The following MCTS1 variants were observed in gnomAD, a reference collection of about 807,000 sequenced individuals.
The protein encoded by MCTS1 is malignant T-cell-amplified sequence 1.
For missense variants in MCTS1, 55 were observed against 128.6 expected (o/e 0.43, Z 2.77); for synonymous variants, 26 against 40.8 (o/e 0.64, Z 1.38).
chrX:120,606,552 G>A (rs768182024), intron 3 of MCTS1, among the ~76,000 whole-genome samples: 1 of 112,334 alleles, frequency 8.9e-6, no homozygotes, highest in South Asian at 3.6e-4. Context: ...GGGAGGCCAA[G>A]GCGGGTGGAT....
intron 3 of MCTS1, among the ~76,000 whole-genome samples, chrX:120,607,065 G>A (rs1015138951): frequency 3.8e-5 from 4 of 105,132 alleles, no homozygotes; most frequent in Admixed American, 1.0e-4. Context: ...GTGTCCTTCC[G>A]TCCAGGTATT....
chrX:120,605,420 GA>G lies in MCTS1; in HGVS notation c.29del (p.Asn10MetfsTer8). ...ATTACTTGGCAGATTTGATGAAAAA[GA>G]AAATGTGTCCAACTGCATCCAGTTG... MFKKFDEK[E>X]NVSNCIQLKT... On this transcript the variant is annotated frameshift_variant, in exon 2 of 6. Transcript: ENST00000371317. LOFTEE classifies it high-confidence loss of function. 1 of 1,165,656 alleles carries G rather than the reference GA, an allele frequency of 8.6e-7. No homozygotes were observed. The highest frequency in any genetic ancestry group is 1.1e-6 in the Non-Finnish European group (1 of 879,338).
chrX:120,604,984 A>G (rs1460571088), intron 1 of MCTS1: 5 of 779,256 alleles, frequency 6.4e-6, no homozygotes, highest in East Asian at 4.1e-5. Context: ...CCGATTTTCT[A>G]TGTTATGCTT....
chrX:120,620,799 G>A lies in MCTS1; in HGVS notation c.*8535G>A, dbSNP rs1442909366. On this transcript the variant is annotated 3_prime_UTR_variant, in exon 6 of 6. Coordinates refer to ENST00000371317, the MANE Select transcript of MCTS1 (RefSeq NM_014060.3). ...TTAAAGTCATGCAAGGAGATGGCCT[G>A]GGGCTTGCTAAAAGTCAGGTTGCAG... 8.9e-6 allele frequency: 1 copy of A among 112,015 alleles called. No individual in the cohort carries two copies. Among genetic ancestry groups the A allele is most frequent in the Non-Finnish European group, 1.9e-5 (1 of 53,249 alleles). 9.2% of individuals were successfully genotyped at this position (112,015 alleles called of 1,213,427 possible). A position where few individuals can be genotyped will look rare whatever the true frequency, so the allele number is the denominator to read the frequency against.
rs1276294011 is a variant in MCTS1, at chrX:120,604,149, CGT to C, written c.-84_-83del. The C allele has an allele frequency of 2.7e-6, 3 of 1,097,049 alleles. No individual in the cohort carries two copies. The highest frequency in any genetic ancestry group is 3.8e-6 in the Non-Finnish European group (3 of 799,297). 90.4% of individuals were successfully genotyped at this position (1,097,049 alleles called of 1,213,427 possible). ...TCCGACTGTCAGTGCCGGCCTTCCT[CGT>C]GTGAGGGGATCTGCCGGACCCCTGC... On this transcript the variant is annotated 5_prime_UTR_variant, in exon 1 of 6. Transcript: ENST00000371317.
Position 120,612,230 on chromosome X carries a change from A to G in MCTS1, c.512A>G (p.Asn171Ser). The G allele has an allele frequency of 8.3e-7, 1 of 1,207,500 alleles. No individual in the cohort carries two copies. Residue 171 changes from asparagine to serine, a missense_variant, in exon 6 of 6, where the codon AAT becomes AGT. By Grantham distance (46) the Asn-to-Ser change is conservative (BLOSUM62 1). Transcript: ENST00000371317. The stretch of plus-strand genomic sequence containing the variant: ...GGCATTGAAAATATCCATTATTTAA[A>G]TGATGGGCTGTGGCATATGAAGACA... ...GIGIENIHYLNDGLWHMKTYK is the reference protein window; with the variant it reads ...GIGIENIHYLSDGLWHMKTYK
At chrX:120,606,716 G>A (rs756217689) in intron 3 of MCTS1, among the ~76,000 whole-genome samples, 3 of 106,917 alleles carry the variant, frequency 2.8e-5, no homozygotes, top group Admixed American at 1.0e-4. Context: ...CCCGCGAGGC[G>A]GAGGTTGCAG....
intron 4 of MCTS1, among the ~76,000 whole-genome samples, chrX:120,610,208 TCTA>T (rs938794255): frequency 1.9e-5 from 2 of 106,571 alleles, no homozygotes; most frequent in African/African-American, 6.9e-5. Flanking sequence ...TGTAATCCCA[TCTA>T]CTAGGGAGGT....
Position 120,615,221 on chromosome X carries a change from G to A in MCTS1, c.*2957G>A, listed in dbSNP as rs1327762013. Among the ~76,000 whole-genome samples the A allele has an allele frequency of 8.9e-6, 1 of 112,448 alleles. No individual in the cohort carries two copies. The highest frequency in any genetic ancestry group is 3.2e-5 in the African/African-American group (1 of 30,953). On this transcript the variant is annotated 3_prime_UTR_variant, in exon 6 of 6. Transcript: ENST00000371317. ...AAACTTAGTTTACCTATATTCGTGA[G>A]AATAGGAATACAGGGATAGAGAGCC...
At chrX:120,606,532 C>T (rs778250148) in intron 3 of MCTS1, among the ~76,000 whole-genome samples, 83 of 112,305 alleles carry the variant, frequency 7.4e-4, no homozygotes, top group Non-Finnish European at 1.4e-3. Context: ...GCCTGTAATC[C>T]CAGCACTTTG....
At chrX:120,605,330 T>G (rs180982834) in intron 1 of MCTS1, 77 bp from the exon 2 acceptor site, 1 of 913,079 alleles carries the variant, frequency 1.1e-6, no homozygotes, top group Admixed American at 3.6e-5. Context: ...AAATGACTAA[T>G]TAGAACAGTA....
At position 120,618,637 on chromosome X, in the gene MCTS1, T is replaced by TA. The variant is rs1467544396; in HGVS notation, c.*6375dup. Among the ~76,000 whole-genome samples the TA allele has an allele frequency of 4.4e-5, 5 of 112,421 alleles. No homozygotes were observed. The highest frequency in any genetic ancestry group is 9.4e-5 in the Non-Finnish European group (5 of 53,319). On this transcript the variant is annotated 3_prime_UTR_variant, in exon 6 of 6. Coordinates refer to ENST00000371317, the MANE Select transcript of MCTS1 (RefSeq NM_014060.3). ...AATAGCAATCTCTAACCCATCAAAT[T>TA]AATATCTACTAAATAGCTTCCAAAA...
At position 120,618,704 on chromosome X, in the gene MCTS1, C is replaced by T. The variant is rs1926927281; in HGVS notation, c.*6440C>T. On this transcript the variant is annotated 3_prime_UTR_variant, in exon 6 of 6. Coordinates refer to ENST00000371317, the MANE Select transcript of MCTS1 (RefSeq NM_014060.3). Reference sequence around the variant, plus strand: ...TATTTTTCACTATCATGGCTTTATTCAGTTTCAAAAACAGTAGGGGCTAAA... The same window carrying T: ...TATTTTTCACTATCATGGCTTTATTTAGTTTCAAAAACAGTAGGGGCTAAA... Among the ~76,000 whole-genome samples, 1 of 112,410 alleles carries T rather than the reference C, an allele frequency of 8.9e-6. No homozygotes were observed. Among genetic ancestry groups the T allele is most frequent in the Non-Finnish European group, 1.9e-5 (1 of 53,320 alleles).
In MCTS1 at chrX:120,604,105, T is replaced by A; in HGVS notation, c.-132T>A. On this transcript the variant is annotated 5_prime_UTR_variant, in exon 1 of 6. Transcript: ENST00000371317. ...CGTAAAGCGCGGCTGGCTCTCGTTT[T>A]CCGGATAACGACTACAGCTCCGACT... 1.2e-6 allele frequency: 1 copy of A among 828,221 alleles called. No individual in the cohort carries two copies. Among genetic ancestry groups the A allele is most frequent in the Non-Finnish European group, 1.7e-6 (1 of 577,782 alleles). 68.3% of individuals were successfully genotyped at this position (828,221 alleles called of 1,213,427 possible). A position where few individuals can be genotyped will look rare whatever the true frequency, so the allele number is the denominator to read the frequency against.
chrX:120,609,487 G>A (rs2147373803), intron 4 of MCTS1, among the ~76,000 whole-genome samples: 1 of 111,151 alleles, frequency 9.0e-6, no homozygotes, highest in South Asian at 3.8e-4. Flanking sequence ...CTGGCCAGGG[G>A]TGTGTTTAAG....
In MCTS1 at chrX:120,611,013, T is replaced by C. The variant is rs751158107; in HGVS notation, c.399T>C (p.Ala133=). The stretch of plus-strand genomic sequence containing the variant: ...TTTTCTTAGCTGTGTTCTTTCAGGC[T>C]ATCATGGCAGAAGGAAAACAGCATG... ...LYPAAVDTIV[A]IMAEGKQHAL... Residue 133 remains alanine, a splice_region_variant and synonymous_variant, in exon 5 of 6, where the codon GCT becomes GCC. Transcript: ENST00000371317. 8.3e-7 allele frequency: 1 copy of C among 1,210,935 alleles called. No individual in the cohort carries two copies. The highest frequency in any genetic ancestry group is 1.8e-5 in the South Asian group (1 of 56,946).
At chrX:120,605,373 T>C in intron 1 of MCTS1, 34 bp from the exon 2 acceptor site, 1 of 1,140,445 alleles carries the variant, frequency 8.8e-7, no homozygotes, top group Non-Finnish European at 1.2e-6. Flanking sequence ...TACTTAGAAA[T>C]GCCTTTTCTT....
intron 1 of MCTS1, 83 bp from the exon 2 acceptor site, chrX:120,605,324 G>T: frequency 1.2e-6 from 1 of 847,829 alleles, no homozygotes; most frequent in Non-Finnish European, 1.6e-6. Context: ...GGGAATAAAT[G>T]ACTAATTAGA....
rs2072520802 is a variant in MCTS1, at chrX:120,614,804, T to G, written c.*2540T>G. On this transcript the variant is annotated 3_prime_UTR_variant, in exon 6 of 6. Coordinates refer to ENST00000371317, the MANE Select transcript of MCTS1 (RefSeq NM_014060.3). ...AGAATGTTTTTTGACCAAGACTGCC[T>G]ATGGAGTATTAGCAATGAAAAACAA... 8.9e-6 allele frequency among the ~76,000 whole-genome samples: 1 copy of G among 112,298 alleles called. No individual in the cohort carries two copies. Among genetic ancestry groups the G allele is most frequent in the South Asian group, 3.7e-4 (1 of 2,739 alleles).
Sources: gnomAD v4.1 joint callset for allele counts (sites outside exome capture counted in the v4.1 genomes callset) on GRCh38, gnomAD v4.1.1 for gene constraint, MANE v1.5 for transcripts, NCBI Gene and HGNC (gene_info 2026-07-23, HGNC 2026-07-21) for gene names.